The following ASTN2 variants were observed in gnomAD, a reference collection of about 807,000 sequenced individuals.
ASTN2 encodes the protein astrotactin-2.
ASTN2 carries 54 observed loss-of-function variants against 139.8 expected under a neutral mutation model. The observed-to-expected ratio is 0.39, with a 90% CI of 0.31 to 0.48. The LOEUF (loss-of-function observed/expected upper bound fraction) is 0.48, where lower values mean the gene tolerates loss of function less well. Ranked by LOEUF, ASTN2 falls within the 20% of genes least tolerant of loss-of-function variation. The pLI is 0.95. For synonymous variants in ASTN2, 756 were observed against 719.5 expected, an observed-to-expected ratio of 1.05 and a Z score of -0.81; for missense variants, 1,565 against 1,725.1, an observed-to-expected ratio of 0.91 and a Z score of 1.64.
intron 20 of ASTN2, among the ~76,000 whole-genome samples, chr9:116,461,798 T>C (rs1848495317): frequency 2.0e-5 from 3 of 152,272 alleles, no homozygotes; most frequent in Admixed American, 6.5e-5. Context: ...TAATGCTTTG[T>C]TATGTTATGC....
intron 19 of ASTN2, among the ~76,000 whole-genome samples, chr9:116,586,944 C>A (rs569725307): frequency 5.3e-5 from 8 of 151,986 alleles, no homozygotes; most frequent in African/African-American, 1.9e-4. Flanking sequence ...AGAGGAGCCA[C>A]GCTCTCAAGT....
chr9:117,214,219 A>C (rs1832233120), intron 3 of ASTN2, 139 bp downstream of exon 3: 2 of 1,042,004 alleles, frequency 1.9e-6, no homozygotes, highest in Non-Finnish European at 2.8e-6. Context: ...TGATAACCCA[A>C]CAGAAATCTA....
intron 4 of ASTN2, among the ~76,000 whole-genome samples, chr9:117,120,016 GTGTATATATATA>G (rs1564435469): frequency 1.8e-4 from 6 of 33,822 alleles, no homozygotes; most frequent in South Asian, 2.5e-3. Flanking sequence ...GTGTGTGTGT[GTGTATATATATA>G]TATATATATA....
intron 1 of ASTN2, among the ~76,000 whole-genome samples, chr9:117,330,464 G>C (rs182722352): frequency 1.2e-4 from 19 of 152,308 alleles, no homozygotes; most frequent in African/African-American, 1.7e-4. Context: ...AAGAGCAGAA[G>C]AGAATAGAGG....
intron 19 of ASTN2, among the ~76,000 whole-genome samples, chr9:116,521,301 T>C (rs574107947): frequency 6.6e-6 from 1 of 152,086 alleles, no homozygotes; most frequent in East Asian, 1.9e-4. Context: ...AAAACAGGCA[T>C]ATAGACAAAT....
chr9:117,023,670 C>T (rs1386055659), intron 6 of ASTN2, among the ~76,000 whole-genome samples: 1 of 151,956 alleles, frequency 6.6e-6, no homozygotes, highest in Non-Finnish European at 1.5e-5. Flanking sequence ...ACATAAGAAA[C>T]AGGAAATAAA....
At chr9:117,038,958 G>C (rs894052791) in intron 6 of ASTN2, among the ~76,000 whole-genome samples, 1 of 152,142 alleles carries the variant, frequency 6.6e-6, no homozygotes, top group African/African-American at 2.4e-5. Context: ...TATTTACAGG[G>C]AATGAGCATA....
At position 117,211,385 on chromosome 9, in the gene ASTN2, G is replaced by A. The variant is rs1832121556; in HGVS notation, c.1015+2973C>T. ...AGAACTGGTGGTGGGAGGTGACTGG[G>A]TCATGGGGGTAGATTTCCCTTTTGC... is the stretch of plus-strand genomic sequence containing the variant. On this transcript the variant is annotated intron_variant, in intron 3 of 22. Coordinates refer to ENST00000313400, the MANE Select transcript of ASTN2 (RefSeq NM_001365068.1). Among the ~76,000 whole-genome samples the A allele has an allele frequency of 2.0e-5, 3 of 152,252 alleles. No homozygotes were observed. In the South Asian group the frequency reaches 6.2e-4, roughly 32 times the overall value.
intron 6 of ASTN2, among the ~76,000 whole-genome samples, chr9:117,028,506 C>T (rs915885682): frequency 6.6e-6 from 1 of 152,114 alleles, no homozygotes; most frequent in Non-Finnish European, 1.5e-5. Context: ...CCCTCCCAGA[C>T]TCCCACTGGC....
At chr9:117,163,138 A>G (rs1830591099) in intron 3 of ASTN2, among the ~76,000 whole-genome samples, 1 of 152,026 alleles carries the variant, frequency 6.6e-6, no homozygotes, top group Non-Finnish European at 1.5e-5. Flanking sequence ...GTAGGGGAGG[A>G]GGTAAGTGAC....
intron 10 of ASTN2, among the ~76,000 whole-genome samples, chr9:116,917,489 G>A (rs796998943): frequency 2.6e-5 from 4 of 152,302 alleles, no homozygotes; most frequent in African/African-American, 9.6e-5. Flanking sequence ...AGCATAGGAC[G>A]TAAAAACTTT....
chr9:117,093,359 C>T (rs2132748590), intron 5 of ASTN2, among the ~76,000 whole-genome samples: 1 of 152,290 alleles, frequency 6.6e-6, no homozygotes, highest in East Asian at 1.9e-4. Flanking sequence ...ACTCTCTATG[C>T]TTTCATCTTA....
At chr9:117,130,462 C>T (rs1473560068) in intron 4 of ASTN2, among the ~76,000 whole-genome samples, 14 of 152,162 alleles carry the variant, frequency 9.2e-5, no homozygotes, top group Non-Finnish European at 1.0e-4. Flanking sequence ...TCCCACCCCA[C>T]CTGACCCCCT....
intron 1 of ASTN2, among the ~76,000 whole-genome samples, chr9:117,345,971 T>C (rs1829201845): frequency 7.2e-6 from 1 of 138,500 alleles, no homozygotes; most frequent in African/African-American, 2.7e-5. Context: ...TTCTGGCCTA[T>C]ATTTTAATCC....
chr9:117,410,594 C>T (rs1168602877), intron 1 of ASTN2, among the ~76,000 whole-genome samples: 4 of 152,144 alleles, frequency 2.6e-5, no homozygotes, highest in African/African-American at 9.7e-5. Context: ...TCACAGTGAG[C>T]CAAAGCTGAG....
chr9:117,001,939 C>T lies in ASTN2; in HGVS notation c.1591+6153G>A, dbSNP rs146092679. Reference sequence around the variant, plus strand: ...TGATTTCCCATAACACTCAACACACCGACTTATGAGTTGCAGAATTAAGAA... The same window carrying T: ...TGATTTCCCATAACACTCAACACACTGACTTATGAGTTGCAGAATTAAGAA... On this transcript the variant is annotated intron_variant, in intron 7 of 22. Coordinates refer to ENST00000313400, the MANE Select transcript of ASTN2 (RefSeq NM_001365068.1). 1.4e-3 allele frequency among the ~76,000 whole-genome samples: 211 copies of T among 152,182 alleles called. 2 individuals carry two copies. The highest frequency in any genetic ancestry group is 5.6e-3 in the East Asian group (29 of 5,188).
intron 10 of ASTN2, among the ~76,000 whole-genome samples, chr9:116,952,001 C>T (rs533934331): frequency 1.9e-4 from 29 of 152,214 alleles, no homozygotes; most frequent in Non-Finnish European, 4.0e-4. Context: ...CCCAATAACT[C>T]ATGTGGTCAA....
intron 6 of ASTN2, among the ~76,000 whole-genome samples, chr9:117,031,934 A>G (rs770805368): frequency 2.0e-5 from 3 of 152,212 alleles, no homozygotes; most frequent in Non-Finnish European, 2.9e-5. Context: ...TATGTAATAC[A>G]TGTATGCGAT....
At chr9:117,168,235 G>A (rs1588036130) in intron 3 of ASTN2, among the ~76,000 whole-genome samples, 3 of 152,078 alleles carry the variant, frequency 2.0e-5, no homozygotes, top group Admixed American at 6.6e-5. Flanking sequence ...GAGGAACTAC[G>A]AAGATATGGG....
Sources: allele counts gnomAD v4.1 joint callset (sites outside exome capture counted in the v4.1 genomes callset), GRCh38; gene constraint gnomAD v4.1.1; transcripts MANE v1.5; gene names NCBI Gene and HGNC (gene_info 2026-07-23, HGNC 2026-07-21).